GRIK2: variants seen among roughly 807,000 people sequenced by gnomAD.
The protein encoded by GRIK2 is glutamate receptor ionotropic, kainate 2.
In GRIK2, 32 loss-of-function variants were observed where a neutral mutation model predicts 100.3. The observed-to-expected ratio is 0.32, with a 90% CI of 0.24 to 0.43. GRIK2 has a LOEUF of 0.43. GRIK2 is among the 20% of genes least tolerant of loss of function. The pLI is 1.00. For missense variants in GRIK2, 843 were observed against 1,114.9 expected (o/e 0.76, Z 3.47); for synonymous variants, 417 against 389.4 (o/e 1.07, Z -0.83).
chr6:101,961,044 C>A (rs932306772), intron 14 of GRIK2, among the ~76,000 whole-genome samples: 1 of 152,140 alleles, frequency 6.6e-6, no homozygotes, highest in Admixed American at 6.5e-5. Context: ...ACTGGAGTGA[C>A]AGGGAGAGGT....
intron 2 of GRIK2, among the ~76,000 whole-genome samples, chr6:101,412,246 A>C (rs947876743): frequency 1.3e-5 from 2 of 152,086 alleles, no homozygotes; most frequent in African/African-American, 4.8e-5. Flanking sequence ...TAGGTAGATA[A>C]ATTGTTAATA....
intron 14 of GRIK2, among the ~76,000 whole-genome samples, chr6:101,999,117 T>C (rs1794801227): frequency 6.6e-6 from 1 of 152,086 alleles, no homozygotes; most frequent in African/African-American, 2.4e-5. Flanking sequence ...TCTATAACAA[T>C]ACTACACTGT....
chr6:101,815,232 G>A (rs1276457532), intron 9 of GRIK2, among the ~76,000 whole-genome samples: 1 of 152,090 alleles, frequency 6.6e-6, no homozygotes, highest in African/African-American at 2.4e-5. Context: ...TTGACTCTGG[G>A]TGTATTCATA....
intron 9 of GRIK2, among the ~76,000 whole-genome samples, chr6:101,816,855 C>T (rs1781663848): frequency 6.6e-6 from 1 of 152,132 alleles, no homozygotes; most frequent in Admixed American, 6.6e-5. Context: ...ACTAAAGCAC[C>T]TGCTCTGGGA....
intron 10 of GRIK2, among the ~76,000 whole-genome samples, 193 bp downstream of exon 10, chr6:101,818,676 C>T (rs568417501): frequency 2.1e-4 from 32 of 152,132 alleles, no homozygotes; most frequent in African/African-American, 5.5e-4. Flanking sequence ...ATTGTATTAA[C>T]GTTTGGGCTG....
chr6:101,754,716 G>A (rs1347016212), intron 7 of GRIK2, among the ~76,000 whole-genome samples: 1 of 152,300 alleles, frequency 6.6e-6, no homozygotes, highest in Non-Finnish European at 1.5e-5. Context: ...TGGATGATCA[G>A]GGAGGTGCAG....
At chr6:101,692,039 C>CAAAAAAAAAAAAAAAAAAAAAA (rs60210939) in intron 7 of GRIK2, among the ~76,000 whole-genome samples, 1 of 78,390 alleles carries the variant, frequency 1.3e-5, no homozygotes, top group African/African-American at 4.9e-5. Context: ...CACCCCGTCT[C>CAAAAAAAAAAAAAAAAAAAAAA]AAAAAAAAAA....
intron 14 of GRIK2, among the ~76,000 whole-genome samples, chr6:102,027,129 TAAG>T (rs1769747797): frequency 6.6e-6 from 1 of 151,324 alleles, no homozygotes; most frequent in African/African-American, 2.4e-5. Flanking sequence ...CATAACAAAA[TAAG>T]AATTATTATT....
intron 2 of GRIK2, among the ~76,000 whole-genome samples, chr6:101,517,763 G>A (rs1016027164): frequency 1.3e-5 from 2 of 152,148 alleles, no homozygotes; most frequent in Admixed American, 1.3e-4. Flanking sequence ...TTCTTCTACA[G>A]TGGTGTGCAA....
At chr6:101,520,370 A>G (rs1441322630) in intron 2 of GRIK2, among the ~76,000 whole-genome samples, 2 of 150,122 alleles carry the variant, frequency 1.3e-5, no homozygotes, top group Non-Finnish European at 3.0e-5. Context: ...TACAATATAT[A>G]TTACATTATA....
chr6:101,802,369 C>A lies in GRIK2; in HGVS notation c.1134C>A (p.Asn378Lys). The A allele has an allele frequency of 1.3e-6, 2 of 1,591,686 alleles. No individual in the cohort carries two copies. The highest frequency in any genetic ancestry group is 1.1e-5 in the South Asian group (1 of 88,616). Residue 378 changes from asparagine to lysine, a missense_variant, in exon 9 of 17, where the codon AAC becomes AAA. Physicochemically the swap from Asn to Lys is moderately conservative, Grantham distance 94. Transcript: ENST00000369134. ...WEGLTGRITF[N>K]KTNGLRTDFD... ...GCCTCACAGGCAGAATAACTTTCAA[C>A]AAAACCAATGGCTTGAGAACAGATT...
chr6:101,713,644 A>C (rs1773867084), intron 7 of GRIK2, among the ~76,000 whole-genome samples: 1 of 151,824 alleles, frequency 6.6e-6, no homozygotes, highest in Non-Finnish European at 1.5e-5. Flanking sequence ...TCTGCATGAC[A>C]AACAACTGTT....
intron 15 of GRIK2, among the ~76,000 whole-genome samples, chr6:102,041,210 T>A (rs1272216618): frequency 6.6e-6 from 1 of 151,688 alleles, no homozygotes; most frequent in East Asian, 1.9e-4. Context: ...CAGCCGTGAT[T>A]AATATTGTAA....
Position 101,676,809 on chromosome 6 carries a change from C to T in GRIK2, c.723+5C>T. On this transcript the variant is annotated splice_donor_5th_base_variant and intron_variant, in intron 5 of 16. Transcript: ENST00000369134. ...GCAGCAGGCATTTTAAAACAGGTAA[C>T]CTTTAAATTACTTCAATTCTTGTTT... 6.5e-7 allele frequency: 1 copy of T among 1,534,866 alleles called. No homozygotes were observed. Among genetic ancestry groups the T allele is most frequent in the Non-Finnish European group, 8.9e-7 (1 of 1,127,338 alleles).
intron 7 of GRIK2, among the ~76,000 whole-genome samples, chr6:101,749,094 G>A (rs541343655): frequency 5.9e-5 from 9 of 152,178 alleles, no homozygotes; most frequent in Admixed American, 3.9e-4. Context: ...AACAAAGGAA[G>A]TATTATTTTA....
chr6:101,870,290 A>C (rs969856023), intron 11 of GRIK2, among the ~76,000 whole-genome samples: 2 of 151,870 alleles, frequency 1.3e-5, no homozygotes, highest in African/African-American at 2.4e-5. Context: ...CTATATCTCT[A>C]GGACTTAGCA....
At chr6:101,879,038 C>T (rs945408703) in intron 11 of GRIK2, among the ~76,000 whole-genome samples, 1 of 152,034 alleles carries the variant, frequency 6.6e-6, no homozygotes, top group African/African-American at 2.4e-5. Context: ...GATGGAGCCA[C>T]TACCACGTGG....
intron 2 of GRIK2, among the ~76,000 whole-genome samples, chr6:101,492,589 G>T: frequency 6.6e-6 from 1 of 151,846 alleles, no homozygotes; most frequent in Non-Finnish European, 1.5e-5. Flanking sequence ...TGATCTGGAG[G>T]ATTTTCTTTC....
intron 2 of GRIK2, among the ~76,000 whole-genome samples, chr6:101,580,893 G>A (rs1778048915): frequency 6.6e-6 from 1 of 152,012 alleles, no homozygotes; most frequent in African/African-American, 2.4e-5. Flanking sequence ...TCTCAGTGAT[G>A]ATTTGCATGA....
Sources: allele counts gnomAD v4.1 joint callset (sites outside exome capture counted in the v4.1 genomes callset), GRCh38; gene constraint gnomAD v4.1.1; transcripts MANE v1.5; gene names NCBI Gene and HGNC (gene_info 2026-07-23, HGNC 2026-07-21).